The following ZMYND11 variants were observed in gnomAD, a reference collection of about 807,000 sequenced individuals.
ZMYND11 encodes zinc finger MYND-type containing 11, also known as zinc finger MYND domain-containing protein 11.
Under a neutral mutation model 84.9 loss-of-function variants are expected in ZMYND11, and 9 were observed. That is an observed-to-expected ratio of 0.11 (90% CI 0.06 to 0.18). The LOEUF (loss-of-function observed/expected upper bound fraction) is 0.18, where lower values mean the gene tolerates loss of function less well. ZMYND11 is among the 10% of genes least tolerant of loss of function. The pLI, the probability that ZMYND11 is intolerant of heterozygous loss-of-function variation, is 1.00. For synonymous variants in ZMYND11, 250 were observed against 244.1 expected, an observed-to-expected ratio of 1.02 and a Z score of -0.23; for missense variants, 409 against 761.0, an observed-to-expected ratio of 0.54 and a Z score of 5.44.
chr10:210,674 G>T (rs2496274), intron 3 of ZMYND11, among the ~76,000 whole-genome samples: 141,851 of 152,304 alleles, frequency 0.93, 66,343 homozygotes, highest in Non-Finnish European at 0.98. Context: ...ATTTTAATCT[G>T]CTTCTCTTTC....
In ZMYND11 at chr10:253,431, T is replaced by C. The variant is rs1365279211; in HGVS notation, c.*961T>C. On this transcript the variant is annotated 3_prime_UTR_variant, in exon 15 of 15. Transcript: ENST00000381604. Reference sequence around the variant, plus strand: ...TAAGTTTCACAGAAGCCGTTATGTTTGTAGTAATGGGTCATTGCCTACTAA... The same window carrying C: ...TAAGTTTCACAGAAGCCGTTATGTTCGTAGTAATGGGTCATTGCCTACTAA... The C allele has an allele frequency of 1.3e-5, 2 of 152,664 alleles. No homozygotes were observed. Among genetic ancestry groups the C allele is most frequent in the African/African-American group, 4.8e-5 (2 of 41,456 alleles). The allele number at this position is 152,664 out of a possible 1,614,324, so 9.5% of individuals were successfully genotyped here.
intron 1 of ZMYND11, among the ~76,000 whole-genome samples, chr10:163,950 C>T (rs1208544071): frequency 6.6e-6 from 1 of 152,142 alleles, no homozygotes; most frequent in Non-Finnish European, 1.5e-5. Context: ...CATTTAATTT[C>T]TCCAGAAAGG....
At chr10:137,082 A>G (rs2131054109) in intron 1 of ZMYND11, among the ~76,000 whole-genome samples, 1 of 152,214 alleles carries the variant, frequency 6.6e-6, no homozygotes, top group Non-Finnish European at 1.5e-5. Context: ...CCATGCATAT[A>G]TGGTACCCAA....
rs774997779 is a variant in ZMYND11 at position 248,458 on chromosome 10, G to T, written c.1350G>T (p.Met450Ile). ...AGTTAAGTGCCTCTTCACCAAGAAT[G>T]CTGCATCGGAGCACCCAGACCACAA... is the stretch of plus-strand genomic sequence containing the variant. ...TKKLSASSPR[M>I]LHRSTQTTND... The change falls in exon 13 of 15, where the codon ATG (methionine) becomes ATT (isoleucine). Residue 450 changes from methionine (M) to isoleucine (I), a missense_variant. Transcript: ENST00000381604. 3 of 1,614,154 alleles carry T rather than the reference G, an allele frequency of 1.9e-6. No individual in the cohort carries two copies. The highest frequency in any genetic ancestry group is 2.5e-6 in the Non-Finnish European group (3 of 1,180,038).
At chr10:168,249 A>G (rs1360501248) in intron 1 of ZMYND11, among the ~76,000 whole-genome samples, 2 of 152,188 alleles carry the variant, frequency 1.3e-5, no homozygotes, top group African/African-American at 4.8e-5. Flanking sequence ...CATGCAAGTT[A>G]TAATGAAAAT....
intron 1 of ZMYND11, among the ~76,000 whole-genome samples, chr10:168,000 A>G (rs1844408453): frequency 6.6e-6 from 1 of 152,156 alleles, no homozygotes; most frequent in Admixed American, 6.6e-5. Context: ...CTGGCAACCA[A>G]CAACTAATTT....
chr10:213,039 T>C (rs1331140065), intron 3 of ZMYND11, among the ~76,000 whole-genome samples: 1 of 152,178 alleles, frequency 6.6e-6, no homozygotes, highest in Non-Finnish European at 1.5e-5. Context: ...GACATATAAT[T>C]GTTTCCCACT....
intron 2 of ZMYND11, among the ~76,000 whole-genome samples, chr10:192,850 C>T (rs1282007892): frequency 6.6e-6 from 1 of 152,120 alleles, no homozygotes; most frequent in Non-Finnish European, 1.5e-5. Context: ...CTGTGAGTCC[C>T]TGTTACTCTC....
intron 1 of ZMYND11, among the ~76,000 whole-genome samples, chr10:162,676 A>G (rs1347517755): frequency 6.6e-6 from 1 of 152,192 alleles, no homozygotes; most frequent in Non-Finnish European, 1.5e-5. Flanking sequence ...GTATTGAACC[A>G]TCATTGCCTT....
At chr10:186,941 T>A (rs1588761380) in intron 2 of ZMYND11, among the ~76,000 whole-genome samples, 1 of 152,098 alleles carries the variant, frequency 6.6e-6, no homozygotes, top group Non-Finnish European at 1.5e-5. Context: ...TTTTCCTTTT[T>A]AAAAAACTGC....
chr10:216,898 A>G (rs1946275673), intron 3 of ZMYND11, among the ~76,000 whole-genome samples: 1 of 152,142 alleles, frequency 6.6e-6, no homozygotes, highest in African/African-American at 2.4e-5. Context: ...ATTTAAAATT[A>G]CTGGAAATAT....
At chr10:232,436 AG>A (rs1336028898) in intron 4 of ZMYND11, among the ~76,000 whole-genome samples, 5 of 152,258 alleles carry the variant, frequency 3.3e-5, no homozygotes, top group Non-Finnish European at 7.3e-5. Context: ...AGCATCTTAC[AG>A]CAAATGTTTT....
intron 4 of ZMYND11, among the ~76,000 whole-genome samples, chr10:228,501 C>T (rs1334705107): frequency 6.6e-6 from 1 of 152,152 alleles, no homozygotes; most frequent in Non-Finnish European, 1.5e-5. Flanking sequence ...TTACAAAGTA[C>T]ATGCAGTTTC....
intron 3 of ZMYND11, among the ~76,000 whole-genome samples, chr10:212,199 T>C (rs903565816): frequency 6.6e-6 from 1 of 152,146 alleles, no homozygotes; most frequent in Admixed American, 6.5e-5. Flanking sequence ...TTAGTTTAAT[T>C]CAATAAGTCG....
chr10:137,281 A>G (rs980895433), intron 1 of ZMYND11, among the ~76,000 whole-genome samples: 2 of 151,974 alleles, frequency 1.3e-5, no homozygotes, highest in Non-Finnish European at 2.9e-5. Context: ...GTGAGCCTGG[A>G]GGAGATACCC....
intron 1 of ZMYND11, among the ~76,000 whole-genome samples, chr10:160,155 G>T (rs905554234): frequency 6.6e-6 from 1 of 152,240 alleles, no homozygotes; most frequent in East Asian, 1.9e-4. Context: ...TATATTGTGG[G>T]TTTGGTTCCA....
rs1297196818 is a variant in ZMYND11 at position 180,003 on chromosome 10, T to A, written c.-10T>A. On this transcript the variant is annotated 5_prime_UTR_variant, in exon 2 of 15. An upstream open reading frame in the 5' UTR loses its in-frame stop. Transcript: ENST00000381604. Reference sequence around the variant, plus strand: ...TTGTTTATTACTGCAGCTAAAGAAGTAAACAGGTCATGGCACGTTTAACAA... The same window carrying A: ...TTGTTTATTACTGCAGCTAAAGAAGAAAACAGGTCATGGCACGTTTAACAA... 1 of 1,603,904 alleles carries A rather than the reference T, an allele frequency of 6.2e-7. No individual in the cohort carries two copies. Among genetic ancestry groups the A allele is most frequent in the Non-Finnish European group, 8.5e-7 (1 of 1,174,672 alleles).
chr10:178,201 A>T (rs959515429), intron 1 of ZMYND11, among the ~76,000 whole-genome samples: 1 of 152,158 alleles, frequency 6.6e-6, no homozygotes, highest in Non-Finnish European at 1.5e-5. Flanking sequence ...AGTTAGTTCC[A>T]TGTATATGTC....
At chr10:163,265 A>G (rs541204617) in intron 1 of ZMYND11, among the ~76,000 whole-genome samples, 83 of 152,282 alleles carry the variant, frequency 5.5e-4, no homozygotes, top group African/African-American at 1.9e-3. Context: ...CAGTGTTTTG[A>G]TAGTCTAAGC....
Sources: allele counts gnomAD v4.1 joint callset (sites outside exome capture counted in the v4.1 genomes callset), GRCh38; gene constraint gnomAD v4.1.1; transcripts MANE v1.5; gene names NCBI Gene and HGNC (gene_info 2026-07-23, HGNC 2026-07-21).